The following GRM3 variants were observed in gnomAD, a reference collection of about 807,000 sequenced individuals.
GRM3 encodes the protein glutamate metabotropic receptor 3, also known as metabotropic glutamate receptor 3.
A neutral mutation model predicts 70.5 loss-of-function variants in GRM3; 26 were observed. The observed-to-expected ratio is 0.37, with a 90% CI of 0.27 to 0.51. GRM3 has a LOEUF of 0.51. GRM3 is among the 20% of genes least tolerant of loss of function. The probability of loss-of-function intolerance (pLI) is 0.93; values close to 1 mark genes in which losing one functional copy is unlikely to be tolerated. For missense variants in GRM3, 859 were observed against 1,123.8 expected, an observed-to-expected ratio of 0.76 and a Z score of 3.37; for synonymous variants, 443 against 434.9, an observed-to-expected ratio of 1.02 and a Z score of -0.23.
intron 2 of GRM3, chr7:86,785,911 A>G (rs1268704914): frequency 1.7e-5 from 3 of 178,650 alleles, no homozygotes; most frequent in South Asian, 2.7e-4. Flanking sequence ...TGCTTGAGCT[A>G]TATATAGCAG....
At chr7:86,733,819 G>C (rs777172709) in intron 1 of GRM3, among the ~76,000 whole-genome samples, 1 of 152,128 alleles carries the variant, frequency 6.6e-6, no homozygotes, top group Non-Finnish European at 1.5e-5. Flanking sequence ...CTGGGCACAG[G>C]CCATATGTAC....
At position 86,807,271 on chromosome 7, in the gene GRM3, A is replaced by G. The variant is rs1157947263; in HGVS notation, c.1324+20155A>G. 5.9e-5 allele frequency among the ~76,000 whole-genome samples: 4 copies of G among 68,024 alleles called. 1 individual carries two copies. The East Asian group carries it at 9.1e-4, about 15-fold the overall frequency. The allele number at this position is 68,024 out of a possible 152,430, so 44.6% of individuals were successfully genotyped here. The stretch of plus-strand genomic sequence containing the variant: ...TGAACTTTAAAGTAGTTTTTTTCCA[A>G]TTCTGTGAAGAAAGTCATTGGTAGC... On this transcript the variant is annotated intron_variant, in intron 3 of 5. Coordinates refer to ENST00000361669, the MANE Select transcript of GRM3 (RefSeq NM_000840.3).
intron 1 of GRM3, among the ~76,000 whole-genome samples, chr7:86,699,831 A>G (rs1044054077): frequency 3.3e-5 from 5 of 152,028 alleles, no homozygotes; most frequent in African/African-American, 1.2e-4. Context: ...CAGGAGGTAA[A>G]GGGGAAATAA....
chr7:86,650,086 C>T (rs1793568916), intron 1 of GRM3, among the ~76,000 whole-genome samples: 1 of 152,036 alleles, frequency 6.6e-6, no homozygotes, highest in Admixed American at 6.6e-5. Flanking sequence ...TGTGAGGTGA[C>T]AAAACTAATA....
chr7:86,732,363 G>A (rs956648046), intron 1 of GRM3, among the ~76,000 whole-genome samples: 3 of 152,140 alleles, frequency 2.0e-5, no homozygotes, highest in Non-Finnish European at 4.4e-5. Flanking sequence ...ATCCAAGGTA[G>A]GGCAGAGGAA....
intron 1 of GRM3, among the ~76,000 whole-genome samples, chr7:86,748,943 A>C (rs1796167889): frequency 6.6e-6 from 1 of 152,098 alleles, no homozygotes; most frequent in Non-Finnish European, 1.5e-5. Flanking sequence ...TAAGTGCTGA[A>C]GAAGAATTTG....
intron 1 of GRM3, among the ~76,000 whole-genome samples, chr7:86,738,199 T>C (rs1212435687): frequency 6.6e-6 from 1 of 152,160 alleles, no homozygotes; most frequent in Non-Finnish European, 1.5e-5. Flanking sequence ...AGGCCGTGTA[T>C]CCACAGTCAT....
At chr7:86,729,620 G>A (rs753737223) in intron 1 of GRM3, among the ~76,000 whole-genome samples, 18 of 152,114 alleles carry the variant, frequency 1.2e-4, no homozygotes, top group Non-Finnish European at 2.1e-4. Flanking sequence ...TAATATATAC[G>A]CATATGAAAT....
Position 86,765,624 on chromosome 7 carries a change from C to T in GRM3, c.468+11C>T, listed in dbSNP as rs1280925415. 1 of 1,603,180 alleles carries T rather than the reference C, an allele frequency of 6.2e-7. No homozygotes were observed. The highest frequency in any genetic ancestry group is 1.1e-5 in the South Asian group (1 of 90,624). ...AGTGTTTCCATACAGGTAAGATTGG[C>T]TAATGCTATTGCTAAAAGGCTGTAT... On this transcript the variant is annotated intron_variant, in intron 2 of 5. Coordinates refer to ENST00000361669, the MANE Select transcript of GRM3 (RefSeq NM_000840.3).
chr7:86,815,431 T>C (rs982101596), intron 3 of GRM3, among the ~76,000 whole-genome samples: 9 of 151,896 alleles, frequency 5.9e-5, no homozygotes, highest in Non-Finnish European at 1.3e-4. Flanking sequence ...ATGTTCCCTT[T>C]GCAAATGTAA....
At chr7:86,694,821 AC>A (rs898424692) in intron 1 of GRM3, among the ~76,000 whole-genome samples, 27 of 152,234 alleles carry the variant, frequency 1.8e-4, no homozygotes, top group African/African-American at 6.5e-4. Context: ...TTGACAAGCA[AC>A]ACAATGACTG....
chr7:86,708,466 G>A (rs2116151533), intron 1 of GRM3, among the ~76,000 whole-genome samples: 1 of 152,274 alleles, frequency 6.6e-6, no homozygotes, highest in Middle Eastern at 3.4e-3. Flanking sequence ...TGCTGATTGA[G>A]GGCATGTTGC....
chr7:86,756,720 C>T (rs1471135353), intron 1 of GRM3, among the ~76,000 whole-genome samples: 1 of 151,992 alleles, frequency 6.6e-6, no homozygotes, highest in Non-Finnish European at 1.5e-5. Context: ...AATTGCTGAG[C>T]TCCTTGGTTT....
chr7:86,836,785 A>T lies in GRM3; in HGVS notation c.1325-2054A>T, dbSNP rs1252396302. Reference sequence around the variant, plus strand: ...GGCATTGTGCTTAACATGTTATATGATTTATCTCATCAAATCGTCAAAAGA... The same window carrying T: ...GGCATTGTGCTTAACATGTTATATGTTTTATCTCATCAAATCGTCAAAAGA... On this transcript the variant is annotated intron_variant, in intron 3 of 5. Coordinates refer to ENST00000361669, the MANE Select transcript of GRM3 (RefSeq NM_000840.3). Among the ~76,000 whole-genome samples the T allele has an allele frequency of 2.0e-5, 3 of 152,198 alleles. No homozygotes were observed. In the East Asian group the frequency reaches 5.8e-4, roughly 29 times the overall value.
chr7:86,644,452 T>A lies in GRM3; in HGVS notation c.-561T>A. 3.0e-6 allele frequency: 1 copy of A among 332,932 alleles called. No homozygotes were observed. The allele number at this position is 332,932 out of a possible 1,614,324, so 20.6% of individuals were successfully genotyped here. On this transcript the variant is annotated 5_prime_UTR_variant, in exon 1 of 6. Transcript: ENST00000361669. ...GAAAGTTGCTTCCGCGCCTAGGAAG[T>A]GGGTTTGCCTGATAAGAGAAGGAGG... is the stretch of plus-strand genomic sequence containing the variant.
At chr7:86,758,859 C>T (rs147308185) in intron 1 of GRM3, among the ~76,000 whole-genome samples, 1 of 152,206 alleles carries the variant, frequency 6.6e-6, no homozygotes, top group African/African-American at 2.4e-5. Flanking sequence ...CATCACCATC[C>T]GTTTCTCAGC....
intron 1 of GRM3, among the ~76,000 whole-genome samples, chr7:86,756,852 C>T (rs960969361): frequency 6.6e-6 from 1 of 152,104 alleles, no homozygotes; most frequent in Non-Finnish European, 1.5e-5. Context: ...TAAATATTGT[C>T]CAACTGGACA....
chr7:86,736,932 G>A (rs1402170521), intron 1 of GRM3, among the ~76,000 whole-genome samples: 3 of 151,748 alleles, frequency 2.0e-5, no homozygotes, highest in Non-Finnish European at 4.4e-5. Context: ...TATCTAATGA[G>A]ATTCTCCAGA....
chr7:86,740,908 C>T (rs772158985), intron 1 of GRM3, among the ~76,000 whole-genome samples: 1 of 152,096 alleles, frequency 6.6e-6, no homozygotes, highest in Non-Finnish European at 1.5e-5. Flanking sequence ...TTGTGGAGCA[C>T]GTCCGCTGAA....
Sources: allele counts gnomAD v4.1 joint callset (sites outside exome capture counted in the v4.1 genomes callset), GRCh38; gene constraint gnomAD v4.1.1; transcripts MANE v1.5; gene names NCBI Gene and HGNC (gene_info 2026-07-23, HGNC 2026-07-21).